Variants in SUCLG1 observed in about 807,000 individuals in gnomAD.
SUCLG1 encodes succinate--CoA ligase [ADP/GDP-forming] subunit alpha, mitochondrial.
SUCLG1 carries 26 observed loss-of-function variants against 37.3 expected under a neutral mutation model. The ratio of observed to expected loss-of-function variants is 0.70; its 90% CI spans 0.51 to 0.97. SUCLG1 has a LOEUF of 0.97. Among genes scored for constraint, SUCLG1 ranks in the 50% least tolerant of loss-of-function variants. The pLI is 0.00. For synonymous variants in SUCLG1, 163 were observed against 155.6 expected, an observed-to-expected ratio of 1.05 and a Z score of -0.36; for missense variants, 433 against 432.9, an observed-to-expected ratio of 1.00 and a Z score of 0.00.
intron 5 of SUCLG1, among the ~76,000 whole-genome samples, chr2:84,438,376 G>A (rs761052161): frequency 2.0e-5 from 3 of 152,208 alleles, no homozygotes; most frequent in Non-Finnish European, 4.4e-5. Flanking sequence ...ATAACATGGT[G>A]CAGTTAAATA....
At chr2:84,448,827 T>C (rs1672890429) in intron 2 of SUCLG1, 1 of 207,750 alleles carries the variant, frequency 4.8e-6, no homozygotes, top group South Asian at 8.9e-5. Flanking sequence ...TGGATAACGT[T>C]ATATAAATAT....
Position 84,459,271 on chromosome 2 carries a change from C to T in SUCLG1, c.-2G>A, listed in dbSNP as rs1673111877. On this transcript the variant is annotated 5_prime_UTR_variant, in exon 1 of 9. Coordinates refer to ENST00000393868, the MANE Select transcript of SUCLG1 (RefSeq NM_003849.4). ...GGCAGCGGCAAGGGTTGCGGTCATACGCCAATGACACTCCCAGGCCCCCGG... is the reference window on the plus strand; with the variant it reads ...GGCAGCGGCAAGGGTTGCGGTCATATGCCAATGACACTCCCAGGCCCCCGG... The T allele has an allele frequency of 1.3e-6, 2 of 1,550,422 alleles. No homozygotes were observed. Among genetic ancestry groups the T allele is most frequent in the South Asian group, 1.2e-5 (1 of 84,026 alleles).
Position 84,442,773 on chromosome 2 carries a change from C to A in SUCLG1, c.318+511G>T, listed in dbSNP as rs979208213. ...GACTCTACAATTTAGTTTCTTCACA[C>A]GGGACCACTCTACTCCAAGCCATCC... On this transcript the variant is annotated intron_variant, in intron 3 of 8. Transcript: ENST00000393868. Among the ~76,000 whole-genome samples the A allele has an allele frequency of 2.6e-5, 4 of 152,184 alleles. 1 individual carries two copies. The South Asian group carries it at 8.3e-4, about 32-fold the overall frequency.
At chr2:84,437,976 T>A (rs1236883420) in intron 5 of SUCLG1, among the ~76,000 whole-genome samples, 1 of 152,160 alleles carries the variant, frequency 6.6e-6, no homozygotes, top group Non-Finnish European at 1.5e-5. Context: ...CTACATTCTG[T>A]ATGATTCCAC....
chr2:84,440,145 CCAG>C (rs1175742752), intron 5 of SUCLG1, among the ~76,000 whole-genome samples: 1 of 152,146 alleles, frequency 6.6e-6, no homozygotes, highest in African/African-American at 2.4e-5. Flanking sequence ...GAGGCCGAGG[CCAG>C]CAGATCACCT....
At chr2:84,445,947 A>G (rs1672843294) in intron 2 of SUCLG1, among the ~76,000 whole-genome samples, 1 of 152,252 alleles carries the variant, frequency 6.6e-6, no homozygotes, top group African/African-American at 2.4e-5. Flanking sequence ...TCCCCACATC[A>G]GAATCCCGTA....
rs926617055 is a variant in SUCLG1 at position 84,459,192 on chromosome 2, G to A, written c.78C>T (p.Leu26=). The change falls in exon 1 of 9, where the codon CTC becomes CTT. Residue 26 remains leucine, a synonymous_variant. Transcript: ENST00000393868. ...ACTCACGGAGGAAGCTGCGCGACAG[G>A]AGACGGGCGGCGGCGAGGCCGCTGC... The part of the protein sequence containing the change: ...SGSSGLAAAR[L]LSRSFLLPQN... 2 of 1,550,004 alleles carry A rather than the reference G, an allele frequency of 1.3e-6. No homozygotes were observed. The highest frequency in any genetic ancestry group is 1.7e-6 in the Non-Finnish European group (2 of 1,146,638).
At chr2:84,433,263 T>G (rs766241209) in intron 6 of SUCLG1, 89 bp downstream of exon 6, 4 of 1,124,422 alleles carry the variant, frequency 3.6e-6, no homozygotes, top group Non-Finnish European at 5.3e-6. Context: ...TCAAAATCTT[T>G]TGCAAATAAT....
intron 2 of SUCLG1, chr2:84,448,948 CT>C: frequency 2.5e-6 from 1 of 404,172 alleles, no homozygotes; most frequent in South Asian, 1.9e-5. Flanking sequence ...GAAGGAGTTC[CT>C]GGGGAGTAGA....
At chr2:84,439,181 C>CT (rs377710904) in intron 5 of SUCLG1, among the ~76,000 whole-genome samples, 110 of 143,318 alleles carry the variant, frequency 7.7e-4, no homozygotes, top group African/African-American at 2.5e-3. Context: ...ATATTTTCTT[C>CT]TTTTTTTTAA....
At chr2:84,449,518 C>T in intron 2 of SUCLG1, 131 bp downstream of exon 2, 2 of 629,024 alleles carry the variant, frequency 3.2e-6, no homozygotes, top group Non-Finnish European at 5.4e-6. Flanking sequence ...TCCTGAGATA[C>T]AACCCCATTG....
At chr2:84,425,241 T>C (rs929781808) in intron 8 of SUCLG1, among the ~76,000 whole-genome samples, 174 bp downstream of exon 8, 10 of 152,210 alleles carry the variant, frequency 6.6e-5, no homozygotes, top group Non-Finnish European at 1.5e-4. Flanking sequence ...TTATTCCTGG[T>C]CATGCCTAAT....
chr2:84,449,612 A>G (rs779492332), intron 2 of SUCLG1, 37 bp downstream of exon 2: 2 of 1,314,306 alleles, frequency 1.5e-6, no homozygotes, highest in East Asian at 2.3e-5. Flanking sequence ...TTATATCTCT[A>G]GTCTACATTT....
At chr2:84,448,151 C>T (rs1464252144) in intron 2 of SUCLG1, among the ~76,000 whole-genome samples, 3 of 142,590 alleles carry the variant, frequency 2.1e-5, no homozygotes, top group African/African-American at 8.0e-5. Context: ...GCAACACATT[C>T]GTGTGCTCAG....
intron 1 of SUCLG1, among the ~76,000 whole-genome samples, chr2:84,450,475 T>C (rs1672923519): frequency 6.9e-6 from 1 of 144,978 alleles, no homozygotes; most frequent in African/African-American, 2.6e-5. Flanking sequence ...AATTGAGAAA[T>C]CTAAATAGTT....
intron 1 of SUCLG1, among the ~76,000 whole-genome samples, chr2:84,452,943 C>T (rs1047230979): frequency 3.9e-5 from 6 of 152,266 alleles, no homozygotes; most frequent in Admixed American, 6.5e-5. Flanking sequence ...TGAACTCCCA[C>T]GTATCAGCAA....
At chr2:84,445,887 G>GTTTT (rs1672842102) in intron 2 of SUCLG1, among the ~76,000 whole-genome samples, 1 of 152,172 alleles carries the variant, frequency 6.6e-6, no homozygotes, top group African/African-American at 2.4e-5. Flanking sequence ...TTTCAGTCAA[G>GTTTT]TAAAAGCCAA....
At position 84,437,615 on chromosome 2, in the gene SUCLG1, G is replaced by T. The variant is rs1019676477; in HGVS notation, c.589+3432C>A. 7.9e-5 allele frequency among the ~76,000 whole-genome samples: 12 copies of T among 152,132 alleles called. 1 individual carries two copies. The highest frequency in any genetic ancestry group is 2.9e-4 in the African/African-American group (12 of 41,402). On this transcript the variant is annotated intron_variant, in intron 5 of 8. Coordinates refer to ENST00000393868, the MANE Select transcript of SUCLG1 (RefSeq NM_003849.4). Reference sequence around the variant, plus strand: ...CATGGAAAATGGCACAGCTACACTGGATAGCAATTTAGCAGTTTCTTAAAC... The same window carrying T: ...CATGGAAAATGGCACAGCTACACTGTATAGCAATTTAGCAGTTTCTTAAAC...
At chr2:84,434,044 T>C (rs1672647750) in intron 5 of SUCLG1, among the ~76,000 whole-genome samples, 1 of 152,144 alleles carries the variant, frequency 6.6e-6, no homozygotes, top group South Asian at 2.1e-4. Flanking sequence ...GTGACACGTC[T>C]ACTCCCCCTT....
Sources: gnomAD v4.1 joint callset for allele counts (sites outside exome capture counted in the v4.1 genomes callset) on GRCh38, gnomAD v4.1.1 for gene constraint, MANE v1.5 for transcripts, NCBI Gene and HGNC (gene_info 2026-07-23, HGNC 2026-07-21) for gene names.